DIAPH3: variants seen among roughly 807,000 people sequenced by gnomAD.
DIAPH3 encodes the protein protein diaphanous homolog 3.
In DIAPH3, 117 loss-of-function variants were observed where a neutral mutation model predicts 144.3. That is an observed-to-expected ratio of 0.81 (90% CI 0.70 to 0.95). The LOEUF (loss-of-function observed/expected upper bound fraction) is 0.95. DIAPH3 is among the 40% of genes least tolerant of loss of function. The pLI is 0.00. For synonymous variants in DIAPH3, 519 were observed against 488.9 expected (o/e 1.06, Z -0.81); for missense variants, 1,421 against 1,412.7 (o/e 1.01, Z -0.09).
At chr13:59,705,981 A>G (rs1452650750) in intron 27 of DIAPH3, among the ~76,000 whole-genome samples, 2 of 151,686 alleles carry the variant, frequency 1.3e-5, no homozygotes, top group African/African-American at 4.8e-5. Flanking sequence ...TAGTAGGACT[A>G]CGTAGACGTT....
chr13:59,740,396 A>T (rs2036387732), intron 27 of DIAPH3, among the ~76,000 whole-genome samples: 1 of 152,200 alleles, frequency 6.6e-6, no homozygotes, highest in Non-Finnish European at 1.5e-5. Context: ...GAACTGTTGT[A>T]AGAGTTAAAT....
intron 17 of DIAPH3, among the ~76,000 whole-genome samples, chr13:59,948,605 A>G (rs968545406): frequency 6.6e-6 from 1 of 152,018 alleles, no homozygotes; most frequent in African/African-American, 2.4e-5. Flanking sequence ...GCATGGGTTT[A>G]TCAGGCCCAG....
At chr13:59,828,468 T>C (rs1019799964) in intron 24 of DIAPH3, among the ~76,000 whole-genome samples, 2 of 151,840 alleles carry the variant, frequency 1.3e-5, no homozygotes, top group Non-Finnish European at 2.9e-5. Flanking sequence ...TTGGCTTTTC[T>C]TGCAAACTCT....
chr13:59,733,789 C>T (rs2036003465), intron 27 of DIAPH3, among the ~76,000 whole-genome samples: 1 of 152,252 alleles, frequency 6.6e-6, no homozygotes, highest in South Asian at 2.1e-4. Flanking sequence ...CCCATCACCA[C>T]AGTCATCACT....
intron 5 of DIAPH3, among the ~76,000 whole-genome samples, chr13:60,017,220 A>G (rs1019269689): frequency 2.6e-5 from 4 of 152,056 alleles, no homozygotes. Flanking sequence ...CCTGACCAAC[A>G]TGGTGAAACC....
intron 23 of DIAPH3, among the ~76,000 whole-genome samples, chr13:59,835,346 T>C (rs1428590115): frequency 2.0e-5 from 3 of 151,410 alleles, no homozygotes; most frequent in South Asian, 2.1e-4. Context: ...ATTTTTAACA[T>C]AGTAATAAGT....
At chr13:59,863,210 A>C (rs2043706850) in intron 21 of DIAPH3, among the ~76,000 whole-genome samples, 1 of 152,136 alleles carries the variant, frequency 6.6e-6, no homozygotes, top group South Asian at 2.1e-4. Context: ...GTATGAACAC[A>C]GGACTAATAG....
At chr13:59,691,564 A>T (rs767724257) in intron 27 of DIAPH3, among the ~76,000 whole-genome samples, 2 of 152,190 alleles carry the variant, frequency 1.3e-5, no homozygotes, top group Non-Finnish European at 1.5e-5. Flanking sequence ...AAAAGGTCTC[A>T]CTGTGAACAT....
chr13:59,951,877 A>C (rs1250219780), intron 17 of DIAPH3, among the ~76,000 whole-genome samples: 3 of 152,236 alleles, frequency 2.0e-5, no homozygotes, highest in African/African-American at 7.2e-5. Flanking sequence ...AGCTAAACAT[A>C]GAATTACCAA....
chr13:60,151,152 C>T (rs1951763087), intron 1 of DIAPH3, among the ~76,000 whole-genome samples: 1 of 151,102 alleles, frequency 6.6e-6, no homozygotes, highest in Non-Finnish European at 1.5e-5. Flanking sequence ...GGTTAAAATA[C>T]TGTCAATAAC....
At chr13:59,966,995 C>T (rs1339311269) in intron 17 of DIAPH3, among the ~76,000 whole-genome samples, 2 of 152,182 alleles carry the variant, frequency 1.3e-5, no homozygotes, top group African/African-American at 4.8e-5. Flanking sequence ...AATGGATTTT[C>T]ACCTTGGAGT....
chr13:59,960,935 G>A (rs1465083738), intron 17 of DIAPH3, among the ~76,000 whole-genome samples: 1 of 151,754 alleles, frequency 6.6e-6, no homozygotes, highest in East Asian at 1.9e-4. Flanking sequence ...TCCCTGTCTC[G>A]AGAAACTTAA....
intron 24 of DIAPH3, among the ~76,000 whole-genome samples, chr13:59,829,028 G>T (rs890593315): frequency 6.6e-5 from 10 of 151,896 alleles, no homozygotes; most frequent in Admixed American, 5.3e-4. Flanking sequence ...GTCTGGAACA[G>T]ATATTCCTTC....
In DIAPH3 at chr13:60,107,396, G is replaced by A. The variant is rs59258983; in HGVS notation, c.390+4614C>T. Among the ~76,000 whole-genome samples the A allele has an allele frequency of 8.4e-3, 1,277 of 152,142 alleles. 22 individuals are homozygous for A. The highest frequency in any genetic ancestry group is 0.029 in the African/African-American group (1,192 of 41,536). On this transcript the variant is annotated intron_variant, in intron 3 of 27. Coordinates refer to ENST00000400324, the MANE Select transcript of DIAPH3 (RefSeq NM_001042517.2). ...TACACAAGGGATTTCACTTATATCC[G>A]TGGTGGTATTTTTTATATTATGTTC... is the stretch of plus-strand genomic sequence containing the variant.
At chr13:59,798,743 G>C (rs1474458455) in intron 25 of DIAPH3, among the ~76,000 whole-genome samples, 1 of 152,210 alleles carries the variant, frequency 6.6e-6, no homozygotes, top group Non-Finnish European at 1.5e-5. Context: ...GAACAGAAAA[G>C]ATGCCCCCAT....
In DIAPH3 at chr13:59,939,842, G is replaced by C. The variant is rs535625719; in HGVS notation, c.2075-14972C>G. ...TCTACAGGGAGAATGAGGCGTGTGT[G>C]TGTGTGTGTGTGTGTGTGTGTGTGT... On this transcript the variant is annotated intron_variant, in intron 17 of 27. Coordinates refer to ENST00000400324, the MANE Select transcript of DIAPH3 (RefSeq NM_001042517.2). Among the ~76,000 whole-genome samples the C allele has an allele frequency of 1.5e-4, 13 of 89,330 alleles. No individual in the cohort carries two copies. The East Asian group carries it at 2.2e-3, about 15-fold the overall frequency. The allele number at this position is 89,330 out of a possible 152,430, so 58.6% of individuals were successfully genotyped here.
At chr13:59,935,565 C>CA (rs1036353713) in intron 17 of DIAPH3, among the ~76,000 whole-genome samples, 4 of 152,084 alleles carry the variant, frequency 2.6e-5, no homozygotes, top group Non-Finnish European at 5.9e-5. Flanking sequence ...GAAAAAAAGT[C>CA]AAAAAATTTG....
At chr13:59,879,186 C>T (rs1346345410) in intron 21 of DIAPH3, 43 bp downstream of exon 21, 1 of 1,612,620 alleles carries the variant, frequency 6.2e-7, no homozygotes, top group South Asian at 1.1e-5. Flanking sequence ...CATTTAAGAG[C>T]AAGTGTTCAG....
Position 60,010,577 on chromosome 13 carries a change from C to G in DIAPH3, c.864G>C (p.Val288=). The change falls in exon 8 of 28, where the codon GTG becomes GTC. Residue 288 remains valine, a synonymous_variant. Coordinates refer to ENST00000400324, the MANE Select transcript of DIAPH3 (RefSeq NM_001042517.2). ...TGCATACCGCAGAGAGAAGTTTAAC[C>G]ACATCTGTCATCATATTGGGGTGTC... ...DPRHPNMMTD[V]VKLLSAVCIV... is the part of the protein sequence containing the mutation. 7 of 1,612,696 alleles carry G rather than the reference C, an allele frequency of 4.3e-6. No homozygotes were observed. Among genetic ancestry groups the G allele is most frequent in the East Asian group, 2.2e-5 (1 of 44,822 alleles).
Sources: gnomAD v4.1 joint callset for allele counts (sites outside exome capture counted in the v4.1 genomes callset) on GRCh38, gnomAD v4.1.1 for gene constraint, MANE v1.5 for transcripts, NCBI Gene and HGNC (gene_info 2026-07-23, HGNC 2026-07-21) for gene names.